Variants in ABHD18 observed in about 807,000 individuals in gnomAD.
ABHD18 encodes cardiolipin-specific deacylase, mitochondrial.
Under a neutral mutation model 65.9 loss-of-function variants are expected in ABHD18, and 55 were observed. That is an observed-to-expected ratio of 0.84 (90% CI 0.67 to 1.05). The LOEUF is 1.05. Among genes scored for constraint, ABHD18 ranks in the 50% least tolerant of loss-of-function variants. ABHD18 has a pLI of 0.00. For missense variants in ABHD18, 533 were observed against 558.5 expected, an observed-to-expected ratio of 0.95 and a Z score of 0.46; for synonymous variants, 181 against 180.2, an observed-to-expected ratio of 1.00 and a Z score of -0.04.
intron 1 of ABHD18, among the ~76,000 whole-genome samples, chr4:127,977,494 A>C (rs1748180772): frequency 1.3e-5 from 2 of 152,222 alleles, no homozygotes; most frequent in Non-Finnish European, 1.5e-5. Context: ...ATAAAAAATA[A>C]ATTTAAAAAT....
chr4:128,008,640 T>C (rs183411924), intron 4 of ABHD18, among the ~76,000 whole-genome samples: 1 of 152,258 alleles, frequency 6.6e-6, no homozygotes, highest in East Asian at 1.9e-4. Flanking sequence ...AAAATTTCTT[T>C]ATGTATTTAT....
chr4:127,968,937 T>C (rs1430393225), intron 1 of ABHD18, among the ~76,000 whole-genome samples: 1 of 152,146 alleles, frequency 6.6e-6, no homozygotes, highest in Non-Finnish European at 1.5e-5. Flanking sequence ...CTTACGTGTT[T>C]AGAGAGTTCC....
At chr4:127,999,987 G>A (rs924224607) in intron 4 of ABHD18, among the ~76,000 whole-genome samples, 5 of 152,168 alleles carry the variant, frequency 3.3e-5, no homozygotes, top group Admixed American at 3.3e-4. Context: ...GAAGGTGAAA[G>A]GCACATCTCA....
At chr4:127,994,290 A>C (rs1464049021) in intron 4 of ABHD18, among the ~76,000 whole-genome samples, 2 of 152,210 alleles carry the variant, frequency 1.3e-5, no homozygotes, top group Non-Finnish European at 2.9e-5. Context: ...AATGAATTAT[A>C]ATATTTTAAA....
chr4:127,965,718 A>G (rs1182123211), intron 1 of ABHD18, 112 bp downstream of exon 1: 2 of 167,040 alleles, frequency 1.2e-5, no homozygotes, highest in Non-Finnish European at 2.6e-5. Context: ...TGGGCGGGAG[A>G]CTCGCGGGTC....
intron 3 of ABHD18, among the ~76,000 whole-genome samples, chr4:127,987,936 G>A (rs1579211292): frequency 6.6e-6 from 1 of 151,960 alleles, no homozygotes; most frequent in South Asian, 2.1e-4. Flanking sequence ...ATACTTGAGA[G>A]TACAATCAGA....
Position 128,030,543 on chromosome 4 carries a change from A to G in ABHD18, c.1214A>G (p.Gln405Arg), listed in dbSNP as rs976781449. The G allele has an allele frequency of 1.9e-6, 3 of 1,597,430 alleles. No individual in the cohort carries two copies. The African/African-American group carries it at 4.1e-5, about 22-fold the overall frequency. Residue 405 changes from glutamine to arginine, a missense_variant, in exon 12 of 13, where the codon CAA becomes CGA. Coordinates refer to ENST00000645843, the MANE Select transcript of ABHD18 (RefSeq NM_001358451.3). ...GATCCAAGCCTCATTATAGTGGTTC[A>G]AGCCAAAGAAGATGCCTATATTCCA... The part of the protein sequence containing the change: ...PVDPSLIIVV[Q>R]AKEDAYIPRT...
At chr4:128,025,795 T>C (rs1221123741) in intron 10 of ABHD18, among the ~76,000 whole-genome samples, 1 of 152,238 alleles carries the variant, frequency 6.6e-6, no homozygotes, top group Non-Finnish European at 1.5e-5. Flanking sequence ...TTTTGTCAAC[T>C]GGCACTGGAA....
At chr4:128,006,061 G>C (rs1163067090) in intron 4 of ABHD18, among the ~76,000 whole-genome samples, 1 of 152,164 alleles carries the variant, frequency 6.6e-6, no homozygotes, top group East Asian at 1.9e-4. Flanking sequence ...GACCCAGTCA[G>C]CTGTGGCAGA....
At chr4:127,995,692 A>G (rs1167189685) in intron 4 of ABHD18, among the ~76,000 whole-genome samples, 2 of 152,222 alleles carry the variant, frequency 1.3e-5, no homozygotes, top group Non-Finnish European at 2.9e-5. Context: ...GTATGTAACT[A>G]AGTAAATTCA....
chr4:128,002,013 G>A lies in ABHD18; in HGVS notation c.279-6907G>A, dbSNP rs551492857. ...GTTGGAGCCAGGCATGGTGGCTCAC[G>A]CCTGTAATCCCAGCACTTTGGGAGG... On this transcript the variant is annotated intron_variant, in intron 4 of 12. Coordinates refer to ENST00000645843, the MANE Select transcript of ABHD18 (RefSeq NM_001358451.3). Among the ~76,000 whole-genome samples the A allele has an allele frequency of 1.2e-4, 19 of 152,150 alleles. No individual in the cohort carries two copies. In the South Asian group the frequency reaches 1.9e-3, roughly 15 times the overall value.
At chr4:128,015,952 T>C (rs1057029617) in intron 7 of ABHD18, among the ~76,000 whole-genome samples, 1 of 130,614 alleles carries the variant, frequency 7.7e-6, no homozygotes, top group Admixed American at 7.6e-5. Context: ...TTTAAATACT[T>C]TTTTTTTTTT....
chr4:127,979,761 C>T (rs528203736), intron 1 of ABHD18, among the ~76,000 whole-genome samples: 1 of 151,684 alleles, frequency 6.6e-6, no homozygotes, highest in African/African-American at 2.4e-5. Flanking sequence ...ACTAAAAATA[C>T]AAAAATTAGC....
intron 3 of ABHD18, among the ~76,000 whole-genome samples, chr4:127,988,126 A>G (rs1283851202): frequency 6.6e-6 from 1 of 152,254 alleles, no homozygotes; most frequent in Non-Finnish European, 1.5e-5. Context: ...TATTTAGTAC[A>G]TGATAATAGT....
chr4:127,997,550 G>A (rs1301416509), intron 4 of ABHD18, among the ~76,000 whole-genome samples: 2 of 152,190 alleles, frequency 1.3e-5, no homozygotes, highest in African/African-American at 4.8e-5. Flanking sequence ...GCCCTCTTCA[G>A]TCTGCCTCTC....
In ABHD18 at chr4:128,021,221, A is replaced by G; in HGVS notation, c.784A>G (p.Met262Val). The G allele has an allele frequency of 6.5e-7, 1 of 1,533,592 alleles. No homozygotes were observed. Among genetic ancestry groups the G allele is most frequent in the African/African-American group, 1.4e-5 (1 of 72,838 alleles). 95.0% of individuals were successfully genotyped at this position (1,533,592 alleles called of 1,614,324 possible). The change falls in exon 10 of 13, where the codon ATG (methionine) becomes GTG (valine). Residue 262 changes from methionine (M) to valine (V), a missense_variant. Met to Val is a conservative substitution (Grantham distance 21). Around this residue, in one of 3 missense-constraint regions of ABHD18, gnomAD observed 4 missense variants for 18.2 expected, o/e 0.22. Coordinates refer to ENST00000645843, the MANE Select transcript of ABHD18 (RefSeq NM_001358451.3). Reference sequence around the variant, plus strand: ...AGTTTATGAAGAAGAAATTATTCACATGCTTGAATACTGTGGAGTAAGTAT... The same window carrying G: ...AGTTTATGAAGAAGAAATTATTCACGTGCTTGAATACTGTGGAGTAAGTAT... Reference protein sequence around the residue: ...QTVYEEEIIHMLEYCGTDSFK... With the variant: ...QTVYEEEIIHVLEYCGTDSFK...
At position 128,039,094 on chromosome 4, in the gene ABHD18, GTA is replaced by G. The variant is rs1206550632; in HGVS notation, c.*3289_*3290del. On this transcript the variant is annotated 3_prime_UTR_variant, in exon 13 of 13. Coordinates refer to ENST00000645843, the MANE Select transcript of ABHD18 (RefSeq NM_001358451.3). Reference sequence around the variant, plus strand: ...TATATATACACACACACGTATGTGTGTATATATATGTATGTACGTATATATAT... The same window carrying G: ...TATATATACACACACACGTATGTGTGTATATATGTATGTACGTATATATAT... 1 of 132,962 alleles carries G rather than the reference GTA, an allele frequency of 7.5e-6. No individual in the cohort carries two copies. Among genetic ancestry groups the G allele is most frequent in the East Asian group, 3.6e-4 (1 of 2,814 alleles). The allele number at this position is 132,962 out of a possible 1,614,324, so 8.2% of individuals were successfully genotyped here. A position where few individuals can be genotyped will look rare whatever the true frequency, so the allele number is the denominator to read the frequency against.
chr4:128,008,236 T>G (rs940224671), intron 4 of ABHD18, among the ~76,000 whole-genome samples: 3 of 141,362 alleles, frequency 2.1e-5, no homozygotes, highest in Non-Finnish European at 4.6e-5. Flanking sequence ...CCCTCTAGCC[T>G]GGGCAACAGA....
chr4:128,026,915 A>T (rs1406053605), intron 10 of ABHD18, among the ~76,000 whole-genome samples: 1 of 151,374 alleles, frequency 6.6e-6, no homozygotes, highest in Non-Finnish European at 1.5e-5. Context: ...CCTCCCAAGT[A>T]GCTGGGATTA....
Sources: allele counts gnomAD v4.1 joint callset (sites outside exome capture counted in the v4.1 genomes callset), GRCh38; gene constraint gnomAD v4.1.1; regional missense constraint gnomAD v4.1.1; transcripts MANE v1.5; gene names NCBI Gene and HGNC (gene_info 2026-07-23, HGNC 2026-07-21).